The following IL15 variants were observed in gnomAD, a reference collection of about 807,000 sequenced individuals.
IL15 encodes the protein interleukin-15.
Under a neutral mutation model 19.6 loss-of-function variants are expected in IL15, and 11 were observed. That is an observed-to-expected ratio of 0.56 (90% confidence interval 0.35 to 0.93). The LOEUF (loss-of-function observed/expected upper bound fraction) is 0.93. Ranked by LOEUF, IL15 falls within the 40% of genes least tolerant of loss-of-function variation. IL15 has a pLI of 0.01. For synonymous variants in IL15, 58 were observed against 59.6 expected (o/e 0.97, Z 0.12); for missense variants, 197 against 186.5 (o/e 1.06, Z -0.33).
At chr4:141,654,619 C>T (rs1727527398) in intron 1 of IL15, among the ~76,000 whole-genome samples, 1 of 152,148 alleles carries the variant, frequency 6.6e-6, no homozygotes, top group African/African-American at 2.4e-5. Flanking sequence ...CATAAGTTTT[C>T]CCCAAGACAT....
intron 2 of IL15, among the ~76,000 whole-genome samples, chr4:141,664,342 A>AACACACACAC (rs35153516): frequency 0.011 from 1,425 of 130,974 alleles, 15 homozygotes; most frequent in African/African-American, 0.013. Flanking sequence ...TGGTGGGCAA[A>AACACACACAC]ACACACACAC....
chr4:141,687,447 A>G (rs1156269726), intron 2 of IL15, among the ~76,000 whole-genome samples: 1 of 152,146 alleles, frequency 6.6e-6, no homozygotes, highest in East Asian at 1.9e-4. Context: ...ACTCAGGATG[A>G]TTTTTAGGAG....
At chr4:141,674,603 G>T (rs954379391) in intron 2 of IL15, among the ~76,000 whole-genome samples, 7 of 151,476 alleles carry the variant, frequency 4.6e-5, no homozygotes, top group African/African-American at 1.7e-4. Flanking sequence ...AAAAAAAAAA[G>T]AAATAAAAAA....
intron 1 of IL15, among the ~76,000 whole-genome samples, chr4:141,642,195 G>A (rs1727068314): frequency 6.6e-6 from 1 of 152,100 alleles, no homozygotes; most frequent in African/African-American, 2.4e-5. Flanking sequence ...ATTCTGGATA[G>A]GGAGAGATAG....
At chr4:141,663,063 T>C (rs1560907085) in intron 2 of IL15, among the ~76,000 whole-genome samples, 1 of 152,048 alleles carries the variant, frequency 6.6e-6, no homozygotes. Flanking sequence ...AAAAATAATA[T>C]CATGATCAAG....
intron 5 of IL15, among the ~76,000 whole-genome samples, chr4:141,724,752 TG>T (rs1730202980): frequency 6.6e-6 from 1 of 152,060 alleles, no homozygotes; most frequent in African/African-American, 2.4e-5. Flanking sequence ...ATAATGAAGA[TG>T]AAATAGACAA....
At chr4:141,650,976 A>C (rs1182161540) in intron 1 of IL15, among the ~76,000 whole-genome samples, 4 of 152,098 alleles carry the variant, frequency 2.6e-5, no homozygotes, top group African/African-American at 9.7e-5. Flanking sequence ...CATTTCATCA[A>C]GAAGTTCTCA....
chr4:141,701,461 T>C (rs1729310136), intron 2 of IL15, among the ~76,000 whole-genome samples: 1 of 152,196 alleles, frequency 6.6e-6, no homozygotes, highest in Admixed American at 6.5e-5. Context: ...ATGTACTTGT[T>C]GTGTGGGCAA....
At chr4:141,683,324 A>T (rs1728600649) in intron 2 of IL15, among the ~76,000 whole-genome samples, 1 of 151,886 alleles carries the variant, frequency 6.6e-6, no homozygotes. Flanking sequence ...TAATCCTAGC[A>T]CTTTGGAAGG....
Position 141,729,699 on chromosome 4 carries a change from A to T in IL15, c.241-148A>T, listed in dbSNP as rs898805138. 1.1e-5 allele frequency: 6 copies of T among 528,082 alleles called. No homozygotes were observed. In the South Asian group the frequency reaches 1.7e-4, roughly 15 times the overall value. 32.7% of individuals were successfully genotyped at this position (528,082 alleles called of 1,614,324 possible). A position where few individuals can be genotyped will look rare whatever the true frequency, so the allele number is the denominator to read the frequency against. On this transcript the variant is annotated intron_variant, in intron 6 of 7. Transcript: ENST00000320650. ...TTTATTTTAAAGCCAAAAGAAAAAA[A>T]ATTAAGCTGCCTCCTATGTAAAATT...
At chr4:141,661,905 T>A (rs2152162345) in intron 2 of IL15, among the ~76,000 whole-genome samples, 1 of 152,376 alleles carries the variant, frequency 6.6e-6, no homozygotes, top group Non-Finnish European at 1.5e-5. Context: ...CATGATGATG[T>A]CTTACCCGTC....
rs895657650 is a variant in IL15, at chr4:141,687,941, G to C, written c.-99-31425G>C. ...TAGTGGATACCGTTCTGTGTCCCTA[G>C]ATCCTTTCAGAGATGAAGAATTTGT... On this transcript the variant is annotated intron_variant, in intron 2 of 7. Transcript: ENST00000320650. Among the ~76,000 whole-genome samples the C allele has an allele frequency of 5.3e-5, 8 of 152,134 alleles. No individual in the cohort carries two copies. The East Asian group carries it at 1.5e-3, about 29-fold the overall frequency.
chr4:141,642,435 A>G (rs1578982330), intron 1 of IL15, among the ~76,000 whole-genome samples: 1 of 152,286 alleles, frequency 6.6e-6, no homozygotes, highest in Non-Finnish European at 1.5e-5. Context: ...GTTGGGATAT[A>G]TAGTTCAGCC....
chr4:141,661,811 TTGC>T (rs1336198875), intron 2 of IL15, among the ~76,000 whole-genome samples: 1 of 152,116 alleles, frequency 6.6e-6, no homozygotes, highest in Non-Finnish European at 1.5e-5. Context: ...ATTGTTGTTG[TTGC>T]TATTATTTCT....
At chr4:141,722,315 G>A (rs1246454344) in intron 5 of IL15, among the ~76,000 whole-genome samples, 4 of 152,044 alleles carry the variant, frequency 2.6e-5, no homozygotes, top group African/African-American at 9.7e-5. Context: ...CTTGACCCAG[G>A]GAACAGCTGT....
At chr4:141,645,809 G>C (rs1560899675) in intron 1 of IL15, among the ~76,000 whole-genome samples, 2 of 152,016 alleles carry the variant, frequency 1.3e-5, no homozygotes, top group African/African-American at 2.4e-5. Flanking sequence ...CACACATATA[G>C]AGCCTCAGTT....
intron 1 of IL15, among the ~76,000 whole-genome samples, chr4:141,655,854 T>A (rs1204640376): frequency 3.3e-5 from 5 of 152,224 alleles, no homozygotes; most frequent in Admixed American, 3.3e-4. Flanking sequence ...TGACATCATG[T>A]GTGCTTTGTG....
At chr4:141,711,339 A>G (rs1444542965) in intron 2 of IL15, among the ~76,000 whole-genome samples, 5 of 152,150 alleles carry the variant, frequency 3.3e-5, no homozygotes, top group Non-Finnish European at 7.4e-5. Context: ...AGATGAATGT[A>G]GCAGAAAGAT....
chr4:141,670,313 C>T (rs891020990), intron 2 of IL15, among the ~76,000 whole-genome samples: 1 of 152,028 alleles, frequency 6.6e-6, no homozygotes, highest in African/African-American at 2.4e-5. Context: ...GCCAGCTGTG[C>T]TGGCATCAAG....
Sources: gnomAD v4.1 joint callset for allele counts (sites outside exome capture counted in the v4.1 genomes callset) on GRCh38, gnomAD v4.1.1 for gene constraint, MANE v1.5 for transcripts, NCBI Gene and HGNC (gene_info 2026-07-23, HGNC 2026-07-21) for gene names.